The following SP100 variants were observed in gnomAD, a reference collection of about 807,000 sequenced individuals.
SP100 encodes the protein SP100 nuclear body protein.
A neutral mutation model predicts 130.0 loss-of-function variants in SP100; 84 were observed. The observed-to-expected ratio is 0.65, with a 90% CI of 0.54 to 0.77. The LOEUF is 0.77. Among genes scored for constraint, SP100 ranks in the 30% least tolerant of loss-of-function variants. The pLI is 0.00. For missense variants in SP100, 978 were observed against 1,052.2 expected, an observed-to-expected ratio of 0.93 and a Z score of 0.97; for synonymous variants, 331 against 351.7, an observed-to-expected ratio of 0.94 and a Z score of 0.66.
chr2:230,471,347 G>GT (rs1167891341), intron 15 of SP100, among the ~76,000 whole-genome samples: 1 of 152,100 alleles, frequency 6.6e-6, no homozygotes, highest in Admixed American at 6.6e-5. Flanking sequence ...TTGTCAGTCC[G>GT]TTTAAGCTCT....
At chr2:230,440,272 AAAT>A (rs1290030319) in intron 2 of SP100, among the ~76,000 whole-genome samples, 2 of 152,094 alleles carry the variant, frequency 1.3e-5, no homozygotes, top group African/African-American at 4.8e-5. Context: ...GGAAATCTAT[AAAT>A]AATTTACTAG....
intron 10 of SP100, chr2:230,463,572 T>C (rs2064778997): frequency 3.3e-5 from 5 of 152,386 alleles, no homozygotes; most frequent in Admixed American, 3.3e-4. Context: ...TTGCATTAGT[T>C]TTTAGACAAT....
intron 2 of SP100, among the ~76,000 whole-genome samples, chr2:230,421,820 T>C (rs1427386946): frequency 2.0e-5 from 3 of 152,148 alleles, no homozygotes; most frequent in African/African-American, 7.2e-5. Flanking sequence ...ATGGTTTGCC[T>C]TGATGTGGGT....
intron 18 of SP100, among the ~76,000 whole-genome samples, chr2:230,498,139 A>G (rs1179425284): frequency 6.6e-6 from 1 of 152,232 alleles, no homozygotes; most frequent in Non-Finnish European, 1.5e-5. Flanking sequence ...AGCACATAAT[A>G]AGCACTTAAG....
intron 17 of SP100, among the ~76,000 whole-genome samples, chr2:230,474,694 C>A (rs930600751): frequency 3.9e-5 from 6 of 152,128 alleles, no homozygotes; most frequent in Non-Finnish European, 8.8e-5. Context: ...CCCCCTGCCC[C>A]ATCTAGTGGT....
intron 5 of SP100, among the ~76,000 whole-genome samples, chr2:230,448,327 T>C (rs2063802165): frequency 2.0e-5 from 3 of 152,188 alleles, no homozygotes; most frequent in African/African-American, 4.8e-5. Context: ...CATTAACAGC[T>C]CACTTTGATT....
intron 20 of SP100, 121 bp from the exon 21 acceptor site, chr2:230,504,065 T>C: frequency 1.7e-6 from 1 of 592,000 alleles, no homozygotes; most frequent in Non-Finnish European, 3.0e-6. Flanking sequence ...TGTAACTGAT[T>C]CATGGGGGAA....
intron 9 of SP100, 73 bp downstream of exon 9, chr2:230,461,487 G>A (rs745596098): frequency 5.4e-5 from 79 of 1,472,566 alleles, no homozygotes; most frequent in Non-Finnish European, 6.7e-5. Flanking sequence ...ACTTCATCAC[G>A]GACCATCGGG....
intron 8 of SP100, among the ~76,000 whole-genome samples, chr2:230,459,440 T>C (rs886347945): frequency 1.3e-5 from 2 of 152,124 alleles, no homozygotes; most frequent in Admixed American, 1.3e-4. Flanking sequence ...CATCACTTCC[T>C]CTCCATGGCT....
At chr2:230,484,244 A>G (rs2065963159) in intron 17 of SP100, among the ~76,000 whole-genome samples, 1 of 152,248 alleles carries the variant, frequency 6.6e-6, no homozygotes, top group Non-Finnish European at 1.5e-5. Flanking sequence ...ACCTCAGCTA[A>G]GAGCATGCAT....
chr2:230,523,598 A>G (rs1421778349), intron 24 of SP100, among the ~76,000 whole-genome samples: 1 of 152,206 alleles, frequency 6.6e-6, no homozygotes, highest in Non-Finnish European at 1.5e-5. Context: ...TTTAATAAAC[A>G]ATCTGGCTTT....
intron 5 of SP100, among the ~76,000 whole-genome samples, chr2:230,447,180 A>G (rs1040590868): frequency 5.3e-5 from 8 of 152,168 alleles, no homozygotes; most frequent in African/African-American, 1.7e-4. Context: ...AGGTCCCTGT[A>G]GGGGATCAGT....
chr2:230,466,075 C>T (rs2064932063), intron 11 of SP100, among the ~76,000 whole-genome samples: 1 of 148,914 alleles, frequency 6.7e-6, no homozygotes, highest in Admixed American at 6.8e-5. Flanking sequence ...ATCCCAGCTA[C>T]TCAGGAGGCT....
At chr2:230,493,445 G>T (rs561893503) in intron 17 of SP100, among the ~76,000 whole-genome samples, 82 of 152,296 alleles carry the variant, frequency 5.4e-4, no homozygotes, top group African/African-American at 1.9e-3. Flanking sequence ...TCAAACTCCT[G>T]AGCTCAGGTG....
chr2:230,447,785 A>T (rs1403771221), intron 5 of SP100, among the ~76,000 whole-genome samples: 1 of 152,158 alleles, frequency 6.6e-6, no homozygotes, highest in Non-Finnish European at 1.5e-5. Flanking sequence ...ACATTCCATT[A>T]TACAGCCTGG....
At chr2:230,541,579 A>C (rs1235199124) in intron 27 of SP100, among the ~76,000 whole-genome samples, 1 of 152,180 alleles carries the variant, frequency 6.6e-6, no homozygotes, top group East Asian at 1.9e-4. Flanking sequence ...TCAGGGTGTC[A>C]GTAGGGTCCG....
In SP100 at chr2:230,466,332, C is replaced by T. The variant is rs370430105; in HGVS notation, c.1173C>T (p.Phe391=). The part of the protein sequence containing the change: ...EPMDFRKLST[F]RESFKKRVIG... ...TGGATTTCAGAAAATTATCTACATT[C>T]AGAGAAAGTTTTAAGAAAAGAGGTA... Residue 391 remains phenylalanine, a synonymous_variant, in exon 12 of 29, where the codon TTC becomes TTT. Transcript: ENST00000340126. 3.8e-6 allele frequency: 6 copies of T among 1,581,240 alleles called. No homozygotes were observed. The African/African-American group carries it at 5.4e-5, about 14-fold the overall frequency.
intron 17 of SP100, among the ~76,000 whole-genome samples, chr2:230,482,996 T>C (rs2065904578): frequency 1.3e-5 from 2 of 152,222 alleles, no homozygotes; most frequent in South Asian, 4.1e-4. Context: ...ATATTGACCG[T>C]TTCTATTCAC....
At chr2:230,503,026 A>G (rs766804107) in intron 19 of SP100, 40 bp from the exon 20 acceptor site, 2 of 1,462,224 alleles carry the variant, frequency 1.4e-6, no homozygotes, top group Admixed American at 1.9e-5. Context: ...TACTATTTGC[A>G]ATGTAAAGAG....
Sources: gnomAD v4.1 joint callset for allele counts (sites outside exome capture counted in the v4.1 genomes callset) on GRCh38, gnomAD v4.1.1 for gene constraint, MANE v1.5 for transcripts, NCBI Gene and HGNC (gene_info 2026-07-23, HGNC 2026-07-21) for gene names.